DCC: variants seen among roughly 807,000 people sequenced by gnomAD.
DCC encodes DCC netrin 1 receptor.
Under a neutral mutation model 172.5 loss-of-function variants are expected in DCC, and 58 were observed. That is an observed-to-expected ratio of 0.34 (90% CI 0.27 to 0.42). The LOEUF (loss-of-function observed/expected upper bound fraction) is 0.42. Ranked by LOEUF, DCC falls within the 10% of genes least tolerant of loss-of-function variation. The probability of loss-of-function intolerance (pLI) is 1.00; values close to 1 mark genes in which losing one functional copy is unlikely to be tolerated. For synonymous variants in DCC, 709 were observed against 644.5 expected (o/e 1.10, Z -1.52); for missense variants, 1,740 against 1,791.0 (o/e 0.97, Z 0.51).
rs981690716 is a variant in DCC at position 52,698,755 on chromosome 18, C to T, written c.92-53299C>T. On this transcript the variant is annotated intron_variant, in intron 1 of 28. Transcript: ENST00000442544. ...CTGGGATTACAGGCTCCCGCCACCA[C>T]GCCTGGCTATTTTTTTTTTTTTTTT... Among the ~76,000 whole-genome samples the T allele has an allele frequency of 5.9e-5, 8 of 134,678 alleles. No individual in the cohort carries two copies. In the East Asian group the frequency reaches 6.8e-4, roughly 11 times the overall value. The allele number at this position is 134,678 out of a possible 152,430, so 88.4% of individuals were successfully genotyped here. A position where few individuals can be genotyped will look rare whatever the true frequency, so the allele number is the denominator to read the frequency against.
chr18:53,169,458 G>A (rs1210220014), intron 8 of DCC, among the ~76,000 whole-genome samples: 1 of 152,144 alleles, frequency 6.6e-6, no homozygotes, highest in Non-Finnish European at 1.5e-5. Context: ...TAAATTTGCT[G>A]TGAATGGATT....
intron 1 of DCC, among the ~76,000 whole-genome samples, chr18:52,360,373 TACCTTA>T (rs947299982): frequency 6.6e-6 from 1 of 152,234 alleles, no homozygotes; most frequent in African/African-American, 2.4e-5. Flanking sequence ...GCTAATGCCT[TACCTTA>T]ACAAGCCAAC....
chr18:52,904,062 G>A (rs1036797750), intron 2 of DCC, among the ~76,000 whole-genome samples: 3 of 152,184 alleles, frequency 2.0e-5, no homozygotes, highest in Admixed American at 6.5e-5. Flanking sequence ...GGCGCCCCCT[G>A]TAGGCAATCT....
At chr18:52,818,604 GAA>G (rs143068571) in intron 2 of DCC, among the ~76,000 whole-genome samples, 5,668 of 151,966 alleles carry the variant, frequency 0.037, 204 homozygotes, top group South Asian at 0.17. Flanking sequence ...AAAATTGAAT[GAA>G]ATAAGGAACC....
chr18:53,007,190 T>C (rs1426270551), intron 5 of DCC, among the ~76,000 whole-genome samples: 1 of 152,188 alleles, frequency 6.6e-6, no homozygotes, highest in Non-Finnish European at 1.5e-5. Flanking sequence ...CTAGTCTTTG[T>C]TGGAAAAGCA....
In DCC at chr18:52,520,437, A is replaced by G. The variant is rs117885196; in HGVS notation, c.91+179559A>G. On this transcript the variant is annotated intron_variant, in intron 1 of 28. Transcript: ENST00000442544. ...GAGGCTTCTCAGGTAATACATACAC[A>G]TTTTAATTTTGGCTGTGTGGAAACC... Among the ~76,000 whole-genome samples the G allele has an allele frequency of 7.8e-3, 1,183 of 152,270 alleles. 13 individuals are homozygous for G. The highest frequency in any genetic ancestry group is 0.041 in the Middle Eastern group (12 of 294).
intron 9 of DCC, among the ~76,000 whole-genome samples, chr18:53,188,232 C>T (rs748785419): frequency 3.3e-5 from 5 of 152,138 alleles, no homozygotes; most frequent in African/African-American, 7.2e-5. Context: ...CCATAGAATA[C>T]GTCAGTGCAT....
intron 12 of DCC, among the ~76,000 whole-genome samples, chr18:53,272,492 T>C (rs2056760486): frequency 6.6e-6 from 1 of 152,170 alleles, no homozygotes; most frequent in Non-Finnish European, 1.5e-5. Flanking sequence ...GTATGCGTAT[T>C]TCTGCTAGCT....
intron 2 of DCC, among the ~76,000 whole-genome samples, chr18:52,884,768 A>C (rs1409777191): frequency 1.3e-5 from 2 of 152,166 alleles, no homozygotes; most frequent in Non-Finnish European, 2.9e-5. Flanking sequence ...ATGTTCATCA[A>C]TATCTGGGCA....
intron 2 of DCC, among the ~76,000 whole-genome samples, chr18:52,797,707 G>A (rs998704019): frequency 2.0e-5 from 3 of 152,176 alleles, no homozygotes; most frequent in Admixed American, 1.3e-4. Context: ...TGGTAGGTAG[G>A]TTGAACTTAT....
At chr18:53,296,290 G>A (rs1026565230) in intron 12 of DCC, among the ~76,000 whole-genome samples, 1 of 152,050 alleles carries the variant, frequency 6.6e-6, no homozygotes, top group Admixed American at 6.6e-5. Flanking sequence ...GGACCTCACT[G>A]TCACTCTCTC....
chr18:53,055,605 A>G (rs2042393051), intron 5 of DCC, among the ~76,000 whole-genome samples: 1 of 152,188 alleles, frequency 6.6e-6, no homozygotes, highest in South Asian at 2.1e-4. Flanking sequence ...GCTAGAAACC[A>G]ACTTAACCTA....
At chr18:53,141,818 G>T (rs2043834780) in intron 7 of DCC, among the ~76,000 whole-genome samples, 1 of 152,096 alleles carries the variant, frequency 6.6e-6, no homozygotes, top group East Asian at 1.9e-4. Flanking sequence ...ATTTTGAATT[G>T]TATTGTCCTG....
chr18:53,482,254 A>C (rs574749766), intron 25 of DCC, among the ~76,000 whole-genome samples: 1 of 152,292 alleles, frequency 6.6e-6, no homozygotes, highest in South Asian at 2.1e-4. Flanking sequence ...TTCAAGATCG[A>C]AGCTTTGGGA....
chr18:52,684,292 T>C (rs1568040077), intron 1 of DCC, among the ~76,000 whole-genome samples: 1 of 152,130 alleles, frequency 6.6e-6, no homozygotes, highest in Non-Finnish European at 1.5e-5. Flanking sequence ...TTAGCGAGTT[T>C]GATGGAATCA....
chr18:52,436,115 G>T (rs1221162589), intron 1 of DCC, among the ~76,000 whole-genome samples: 1 of 152,200 alleles, frequency 6.6e-6, no homozygotes, highest in South Asian at 2.1e-4. Context: ...TACCCACTCA[G>T]AGGGCTAGAC....
chr18:52,446,442 A>G (rs866259437), intron 1 of DCC, among the ~76,000 whole-genome samples: 23 of 152,234 alleles, frequency 1.5e-4, no homozygotes, highest in African/African-American at 4.8e-4. Context: ...CCTGGCTTCA[A>G]TAACTTCATC....
At chr18:52,759,728 T>C (rs1350564897) in intron 2 of DCC, among the ~76,000 whole-genome samples, 1 of 152,246 alleles carries the variant, frequency 6.6e-6, no homozygotes, top group African/African-American at 2.4e-5. Context: ...GAAAATAATG[T>C]AATATCTGTT....
intron 5 of DCC, among the ~76,000 whole-genome samples, chr18:52,939,062 T>TC (rs1323358045): frequency 6.6e-6 from 1 of 152,166 alleles, no homozygotes; most frequent in Non-Finnish European, 1.5e-5. Flanking sequence ...CTACAATCTC[T>TC]CTATCACATC....
Sources: allele counts gnomAD v4.1 joint callset (sites outside exome capture counted in the v4.1 genomes callset), GRCh38; gene constraint gnomAD v4.1.1; transcripts MANE v1.5; gene names NCBI Gene and HGNC (gene_info 2026-07-23, HGNC 2026-07-21).